The following MECOM variants were observed in gnomAD, a reference collection of about 807,000 sequenced individuals.
MECOM encodes histone-lysine N-methyltransferase MECOM.
In MECOM, 13 loss-of-function variants were observed where a neutral mutation model predicts 116.3. The observed-to-expected ratio is 0.11, with a 90% CI of 0.07 to 0.18. The LOEUF (loss-of-function observed/expected upper bound fraction) is 0.18, where lower values mean the gene tolerates loss of function less well. MECOM is among the 10% of genes least tolerant of loss of function. The probability of loss-of-function intolerance (pLI) is 1.00; values close to 1 mark genes in which losing one functional copy is unlikely to be tolerated. For missense variants in MECOM, 1,299 were observed against 1,509.0 expected (o/e 0.86, Z 2.31); for synonymous variants, 528 against 535.2 (o/e 0.99, Z 0.19).
intron 1 of MECOM, among the ~76,000 whole-genome samples, chr3:169,569,391 T>A (rs1322732859): frequency 6.6e-6 from 1 of 152,194 alleles, no homozygotes; most frequent in Non-Finnish European, 1.5e-5. Flanking sequence ...TGGGAGACTT[T>A]AACACCCCAC....
At chr3:169,563,043 G>A in intron 1 of MECOM, among the ~76,000 whole-genome samples, 1 of 125,992 alleles carries the variant, frequency 7.9e-6, no homozygotes, top group African/African-American at 3.0e-5. Context: ...CAGCCTGGGT[G>A]ACAAGAAAAA....
At chr3:169,158,056 A>G (rs1294576551) in intron 2 of MECOM, among the ~76,000 whole-genome samples, 1 of 149,408 alleles carries the variant, frequency 6.7e-6, no homozygotes, top group East Asian at 1.9e-4. Flanking sequence ...ATACAATTTT[A>G]TATTCCTCCA....
intron 1 of MECOM, among the ~76,000 whole-genome samples, chr3:169,536,278 T>C (rs1441091797): frequency 2.6e-5 from 4 of 152,086 alleles, no homozygotes; most frequent in African/African-American, 4.8e-5. Flanking sequence ...AATAGTATTA[T>C]TTTAGGATTA....
chr3:169,351,148 GA>G lies in MECOM; in HGVS notation c.375+30038del, dbSNP rs1037133159. 3.2e-4 allele frequency among the ~76,000 whole-genome samples: 49 copies of G among 151,768 alleles called. 1 individual carries two copies. Among genetic ancestry groups the G allele is most frequent in the African/African-American group, 1.2e-3 (48 of 41,484 alleles). The stretch of plus-strand genomic sequence containing the variant: ...ATTTAGAAAAACACATTAATGAAAA[GA>G]TTTTTTTATATAAATTATCTTTTGT... On this transcript the variant is annotated intron_variant, in intron 2 of 16. Transcript: ENST00000651503.
At chr3:169,240,466 T>G (rs1577438484) in intron 2 of MECOM, among the ~76,000 whole-genome samples, 1 of 152,338 alleles carries the variant, frequency 6.6e-6, no homozygotes, top group Admixed American at 6.5e-5. Context: ...AGGACATCAC[T>G]AAAAGGGACT....
intron 1 of MECOM, among the ~76,000 whole-genome samples, chr3:169,643,694 A>C (rs1169963148): frequency 1.3e-5 from 2 of 152,150 alleles, no homozygotes; most frequent in Non-Finnish European, 2.9e-5. Flanking sequence ...CATCATGACA[A>C]CTCTGGCCTG....
In MECOM at chr3:169,381,474, G is replaced by A. The variant is rs1732375934; in HGVS notation, c.88C>T (p.Pro30Ser). Reference sequence around the variant, plus strand: ...GTGCTGGCTACTCCATCTGCATCTGGCATTTCTTCCAAAGGTATTTCAGGG... The same window carrying A: ...GTGCTGGCTACTCCATCTGCATCTGACATTTCTTCCAAAGGTATTTCAGGG... ...NYPEIPLEEMPDADGVASTPS... is the reference protein window; with the variant it reads ...NYPEIPLEEMSDADGVASTPS... The change falls in exon 2 of 17, where the codon CCA becomes TCA. Residue 30 changes from proline (P) to serine (S), a missense_variant. By Grantham distance (74) the Pro-to-Ser change is moderately conservative. Around this residue, in one of 6 missense-constraint regions of MECOM, gnomAD observed 374 missense variants for 433.4 expected, o/e 0.86. Transcript: ENST00000651503. 6 of 1,613,214 alleles carry A rather than the reference G, an allele frequency of 3.7e-6. No homozygotes were observed. Among genetic ancestry groups the A allele is most frequent in the East Asian group, 2.2e-5 (1 of 44,816 alleles).
chr3:169,376,239 G>C (rs989859054), intron 2 of MECOM, among the ~76,000 whole-genome samples: 2 of 151,996 alleles, frequency 1.3e-5, no homozygotes, highest in Admixed American at 6.6e-5. Flanking sequence ...ATGGGCAAAA[G>C]CTGGAAGCAT....
intron 1 of MECOM, among the ~76,000 whole-genome samples, chr3:169,598,679 G>A (rs913195250): frequency 6.6e-6 from 1 of 152,206 alleles, no homozygotes; most frequent in Non-Finnish European, 1.5e-5. Context: ...TCGTCTGAGT[G>A]TAGTATAGTG....
chr3:169,111,508 G>C (rs1253057438), intron 9 of MECOM, among the ~76,000 whole-genome samples: 1 of 152,050 alleles, frequency 6.6e-6, no homozygotes, highest in Non-Finnish European at 1.5e-5. Flanking sequence ...GTACTATTTA[G>C]ATCAGTCTAA....
intron 11 of MECOM, among the ~76,000 whole-genome samples, chr3:169,101,667 C>T (rs190057650): frequency 2.2e-3 from 342 of 152,134 alleles, no homozygotes; most frequent in African/African-American, 7.8e-3. Flanking sequence ...CACTTATGGA[C>T]CTTACTTCTC....
chr3:169,478,872 T>C (rs942155771), intron 1 of MECOM, among the ~76,000 whole-genome samples: 4 of 152,290 alleles, frequency 2.6e-5, no homozygotes, highest in South Asian at 2.1e-4. Context: ...AGATTAACCA[T>C]ACAGAGCCAG....
chr3:169,090,355 GT>G (rs1248194005), intron 14 of MECOM, 119 bp from the exon 15 acceptor site: 1 of 859,924 alleles, frequency 1.2e-6, no homozygotes, highest in African/African-American at 1.7e-5. Context: ...CATCGGAAAT[GT>G]TTTATTGTTT....
chr3:169,225,843 C>T (rs935358216), intron 2 of MECOM, among the ~76,000 whole-genome samples: 1 of 152,132 alleles, frequency 6.6e-6, no homozygotes, highest in Non-Finnish European at 1.5e-5. Flanking sequence ...ATCCTGACAT[C>T]GTGATCCGCC....
intron 1 of MECOM, among the ~76,000 whole-genome samples, chr3:169,646,560 G>A (rs192571778): frequency 3.3e-5 from 5 of 152,130 alleles, no homozygotes; most frequent in Non-Finnish European, 5.9e-5. Flanking sequence ...TAAGTAGCTA[G>A]TGAAATACTT....
Position 169,143,594 on chromosome 3 carries a change from A to T in MECOM, c.510+104T>A, listed in dbSNP as rs1738786097. The stretch of plus-strand genomic sequence containing the variant: ...GCATTATCTTTCACAATATCAACAA[A>T]CAGGCCACAAGGGTCTACTGCAGCT... On this transcript the variant is annotated intron_variant, in intron 3 of 16. Coordinates refer to ENST00000651503, the MANE Select transcript of MECOM (RefSeq NM_004991.4). The T allele has an allele frequency of 3.6e-6, 4 of 1,108,000 alleles. No individual in the cohort carries two copies. In the South Asian group the frequency reaches 9.5e-5, roughly 26 times the overall value. The allele number at this position is 1,108,000 out of a possible 1,614,324, so 68.6% of individuals were successfully genotyped here.
intron 2 of MECOM, among the ~76,000 whole-genome samples, chr3:169,236,858 A>G (rs1239557246): frequency 6.6e-6 from 1 of 152,210 alleles, no homozygotes; most frequent in Non-Finnish European, 1.5e-5. Flanking sequence ...TCAGACATTC[A>G]ACAAACTCAC....
intron 2 of MECOM, among the ~76,000 whole-genome samples, chr3:169,247,448 G>A (rs1418911382): frequency 6.6e-6 from 1 of 152,122 alleles, no homozygotes; most frequent in Non-Finnish European, 1.5e-5. Context: ...TGGGATTACT[G>A]GCATGCGCCA....
chr3:169,426,263 G>A lies in MECOM; in HGVS notation c.38-44739C>T, dbSNP rs77951295. ...AAAATTTTAATAATATTTTAAGAAA[G>A]AAGTCATTAGCATTTTCCCAATGAT... On this transcript the variant is annotated intron_variant, in intron 1 of 16. Coordinates refer to ENST00000651503, the MANE Select transcript of MECOM (RefSeq NM_004991.4). 1.9e-3 allele frequency among the ~76,000 whole-genome samples: 283 copies of A among 152,284 alleles called. 5 individuals are homozygous for A. In the East Asian group the frequency reaches 0.048, roughly 26 times the overall value.
Sources: allele counts gnomAD v4.1 joint callset (sites outside exome capture counted in the v4.1 genomes callset), GRCh38; gene constraint gnomAD v4.1.1; regional missense constraint gnomAD v4.1.1; transcripts MANE v1.5; gene names NCBI Gene and HGNC (gene_info 2026-07-23, HGNC 2026-07-21).